Variants in ORAI2 observed in about 807,000 individuals in gnomAD.
ORAI2 encodes the protein ORAI calcium release-activated calcium modulator 2, also known as protein orai-2.
A neutral mutation model predicts 16.2 loss-of-function variants in ORAI2; 10 were observed. That is an observed-to-expected ratio of 0.62 (90% confidence interval 0.38 to 1.04). ORAI2 has a LOEUF of 1.04. Ranked by LOEUF, ORAI2 falls within the 50% of genes least tolerant of loss-of-function variation. The pLI, the probability that ORAI2 is intolerant of heterozygous loss-of-function variation, is 0.01. For synonymous variants in ORAI2, 150 were observed against 157.5 expected, an observed-to-expected ratio of 0.95 and a Z score of 0.35; for missense variants, 238 against 355.5, an observed-to-expected ratio of 0.67 and a Z score of 2.66.
intron 3 of ORAI2, among the ~76,000 whole-genome samples, chr7:102,441,596 C>A (rs1438985245): frequency 6.7e-6 from 1 of 148,818 alleles, no homozygotes; most frequent in Non-Finnish European, 1.5e-5. Flanking sequence ...GTTGCCCAGG[C>A]TGGTTTTTTT....
chr7:102,443,766 G>A (rs997019299), intron 3 of ORAI2, among the ~76,000 whole-genome samples: 2 of 152,062 alleles, frequency 1.3e-5, no homozygotes, highest in Non-Finnish European at 2.9e-5. Flanking sequence ...GAGCACAATG[G>A]CACGATCTTG....
At chr7:102,442,857 CAAAA>C (rs763868369) in intron 3 of ORAI2, among the ~76,000 whole-genome samples, 3 of 88,452 alleles carry the variant, frequency 3.4e-5, no homozygotes, top group Non-Finnish European at 7.0e-5. Context: ...GACTCCGTCT[CAAAA>C]AAAAAAAAAA....
Position 102,456,455 on chromosome 7 carries a change from T to C in ORAI2, c.*9403T>C, listed in dbSNP as rs1022228607. On this transcript the variant is annotated 3_prime_UTR_variant, in exon 4 of 4. Coordinates refer to ENST00000495936, the MANE Select transcript of ORAI2 (RefSeq NM_001126340.3). Reference sequence around the variant, plus strand: ...TTTTGTAGAGATGGGGGTCTCACTATGTTGCCCAGGCTGGCCTCAAGCAAT... The same window carrying C: ...TTTTGTAGAGATGGGGGTCTCACTACGTTGCCCAGGCTGGCCTCAAGCAAT... 2 of 152,156 alleles carry C rather than the reference T, an allele frequency of 1.3e-5. No homozygotes were observed. The allele number at this position is 152,156 out of a possible 1,614,324, so 9.4% of individuals were successfully genotyped here.
chr7:102,441,544 A>G (rs973311983), intron 3 of ORAI2, among the ~76,000 whole-genome samples: 12 of 151,486 alleles, frequency 7.9e-5, no homozygotes, highest in Non-Finnish European at 1.5e-4. Context: ...ATCTCAAAAA[A>G]AAAAAAAAGA....
rs569911267 is a variant in ORAI2 at position 102,436,384 on chromosome 7, T to C, written c.-14+51T>C. 1.1e-5 allele frequency: 11 copies of C among 979,848 alleles called. No homozygotes were observed. In the African/African-American group the frequency reaches 1.7e-4, roughly 16 times the overall value. The allele number at this position is 979,848 out of a possible 1,614,324, so 60.7% of individuals were successfully genotyped here. On this transcript the variant is annotated intron_variant, in intron 2 of 3. Transcript: ENST00000495936. ...AGCACAGAACTGTTCCCAGAGGTCT[T>C]GTTGGCCAGGGAAGGCTGTGGCTTT...
Position 102,433,691 on chromosome 7 carries a change from G to C in ORAI2, c.-123+30G>C, listed in dbSNP as rs1796982983. The C allele has an allele frequency of 6.6e-6, 1 of 152,398 alleles. No individual in the cohort carries two copies. Among genetic ancestry groups the C allele is most frequent in the Non-Finnish European group, 1.5e-5 (1 of 68,424 alleles). 9.4% of individuals were successfully genotyped at this position (152,398 alleles called of 1,614,324 possible). ...GTGTGGCGGCGCGGGGGCCTGGCGC[G>C]GGGAGCGGGGTCCCTGCGGCTGGGG... On this transcript the variant is annotated intron_variant, in intron 1 of 3. Coordinates refer to ENST00000495936, the MANE Select transcript of ORAI2 (RefSeq NM_001126340.3). This position sits in a 1 kb window ranked among gnomAD's most constrained non-coding sequence, Gnocchi z 4.6.
intron 2 of ORAI2, among the ~76,000 whole-genome samples, chr7:102,438,014 A>C (rs1797102965): frequency 6.6e-6 from 1 of 152,074 alleles, no homozygotes. Flanking sequence ...GTACCACTGC[A>C]CTCCAGCCTG....
At chr7:102,445,845 T>G (rs1018395851) in intron 3 of ORAI2, among the ~76,000 whole-genome samples, 13 of 152,078 alleles carry the variant, frequency 8.5e-5, no homozygotes, top group Non-Finnish European at 1.8e-4. Context: ...TCTCTTTCTT[T>G]TCTTTCTTTT....
In ORAI2 at chr7:102,454,020, C is replaced by G. The variant is rs1436127980; in HGVS notation, c.*6968C>G. The G allele has an allele frequency of 6.6e-6, 1 of 152,338 alleles. No individual in the cohort carries two copies. Among genetic ancestry groups the G allele is most frequent in the African/African-American group, 2.4e-5 (1 of 41,466 alleles). 9.4% of individuals were successfully genotyped at this position (152,338 alleles called of 1,614,324 possible). ...CTGGGATTATAGGCGTGAGCCACCTCGTCCGGCCCAAGACTTTTTGCCTCA... is the reference window on the plus strand; with the variant it reads ...CTGGGATTATAGGCGTGAGCCACCTGGTCCGGCCCAAGACTTTTTGCCTCA... On this transcript the variant is annotated 3_prime_UTR_variant, in exon 4 of 4. Coordinates refer to ENST00000495936, the MANE Select transcript of ORAI2 (RefSeq NM_001126340.3).
In ORAI2 at chr7:102,433,737, A is replaced by G. The variant is rs2133217197; in HGVS notation, c.-123+76A>G. On this transcript the variant is annotated intron_variant, in intron 1 of 3. Coordinates refer to ENST00000495936, the MANE Select transcript of ORAI2 (RefSeq NM_001126340.3). The surrounding 1 kb of genome is among the most constrained non-coding windows in gnomAD (Gnocchi z 4.6). ...TGGGGGGGCCGGAATTGGACCGGGG[A>G]CGCTCGGCGGGGAAGGGGACGACTG... 1 of 151,856 alleles carries G rather than the reference A, an allele frequency of 6.6e-6. No individual in the cohort carries two copies. Among genetic ancestry groups the G allele is most frequent in the African/African-American group, 2.4e-5 (1 of 41,258 alleles). 9.4% of individuals were successfully genotyped at this position (151,856 alleles called of 1,614,324 possible).
At position 102,438,899 on chromosome 7, in the gene ORAI2, C is replaced by T. The variant is rs561820164; in HGVS notation, c.-13-45C>T. On this transcript the variant is annotated intron_variant, in intron 2 of 3. Coordinates refer to ENST00000495936, the MANE Select transcript of ORAI2 (RefSeq NM_001126340.3). ...GGCTTGGAGTCTAGCTCTTCCAGGCCGCAGTAACCTAGGATGTCTGAGCAT... is the reference window on the plus strand; with the variant it reads ...GGCTTGGAGTCTAGCTCTTCCAGGCTGCAGTAACCTAGGATGTCTGAGCAT... 33 of 1,574,166 alleles carry T rather than the reference C, an allele frequency of 2.1e-5. 1 individual carries two copies. Among genetic ancestry groups the T allele is most frequent in the East Asian group, 6.7e-5 (3 of 44,582 alleles).
intron 3 of ORAI2, among the ~76,000 whole-genome samples, chr7:102,442,002 G>A (rs1188358634): frequency 6.6e-6 from 1 of 152,100 alleles, no homozygotes; most frequent in Non-Finnish European, 1.5e-5. Context: ...TCCCTCATTA[G>A]AATTGCAAAG....
intron 1 of ORAI2, among the ~76,000 whole-genome samples, chr7:102,435,536 C>CTTT (rs56680127): frequency 1.6e-5 from 2 of 121,572 alleles, no homozygotes; most frequent in African/African-American, 6.0e-5. Flanking sequence ...GCCCCCCCCT[C>CTTT]TTTTTTTTTT....
In ORAI2 at chr7:102,439,093, A is replaced by G. The variant is rs767488712; in HGVS notation, c.137A>G (p.Gln46Arg). ...GTCACCTCTAACCACCACTCGGTAC[A>G]GGCCCTGTCGTGGCGGAAGCTCTAC... ...ELVTSNHHSV[Q>R]ALSWRKLYLS... Residue 46 changes from glutamine to arginine, a missense_variant, in exon 3 of 4, where the codon CAG becomes CGG. By Grantham distance (43) the Gln-to-Arg change is conservative. This residue lies in a region of ORAI2 where 61 missense variants were observed against 72.7 expected (regional missense o/e 0.84). Transcript: ENST00000495936. 1.5e-5 allele frequency: 25 copies of G among 1,614,076 alleles called. No individual in the cohort carries two copies. The highest frequency in any genetic ancestry group is 2.0e-5 in the Non-Finnish European group (24 of 1,180,056).
At chr7:102,444,062 A>G (rs1329543292) in intron 3 of ORAI2, among the ~76,000 whole-genome samples, 1 of 152,008 alleles carries the variant, frequency 6.6e-6, no homozygotes, top group African/African-American at 2.4e-5. Flanking sequence ...AGCTGCTAAG[A>G]GGTGGCAGTT....
rs566365780 is a variant in ORAI2, at chr7:102,446,542, G to A, written c.255G>A (p.Thr85=). The part of the protein sequence containing the change: ...MVAMVEVQLE[T]QYQYPRPLLI... ...CCATGGTGGAGGTGCAGCTGGAGAC[G>A]CAGTACCAGTACCCGCGGCCGCTGC... is the stretch of plus-strand genomic sequence containing the variant. The change falls in exon 4 of 4, where the codon ACG becomes ACA. Residue 85 remains threonine (T), a synonymous_variant. Transcript: ENST00000495936. 8.1e-5 allele frequency: 130 copies of A among 1,611,024 alleles called. No individual in the cohort carries two copies. Among genetic ancestry groups the A allele is most frequent in the Admixed American group, 2.8e-4 (17 of 59,944 alleles).
Position 102,451,514 on chromosome 7 carries a change from G to C in ORAI2, c.*4462G>C, listed in dbSNP as rs1441020482. ...CTCGTGCTGATGATCTATGCATGGC[G>C]TTATGTAGATCACGTGCGGCAGAGA... On this transcript the variant is annotated 3_prime_UTR_variant, in exon 4 of 4. Transcript: ENST00000495936. The C allele has an allele frequency of 6.6e-6, 1 of 152,254 alleles. No homozygotes were observed. Among genetic ancestry groups the C allele is most frequent in the Non-Finnish European group, 1.5e-5 (1 of 68,064 alleles). The allele number at this position is 152,254 out of a possible 1,614,324, so 9.4% of individuals were successfully genotyped here. A position where few individuals can be genotyped will look rare whatever the true frequency, so the allele number is the denominator to read the frequency against.
intron 3 of ORAI2, among the ~76,000 whole-genome samples, chr7:102,443,521 G>A (rs1797270141): frequency 2.0e-5 from 3 of 151,896 alleles, no homozygotes; most frequent in South Asian, 2.1e-4. Context: ...AGGCCTCTGT[G>A]GTTTGTAATA....
chr7:102,437,055 C>T (rs947789677), intron 2 of ORAI2, among the ~76,000 whole-genome samples: 5 of 152,334 alleles, frequency 3.3e-5, no homozygotes, highest in East Asian at 1.9e-4. Context: ...CACACGCGAC[C>T]GCCAATCCCC....
Sources: gnomAD v4.1 joint callset for allele counts (sites outside exome capture counted in the v4.1 genomes callset) on GRCh38, gnomAD v4.1.1 for gene constraint, gnomAD v4.1.1 regional missense constraint, Gnocchi (gnomAD v3.1) non-coding constraint, MANE v1.5 for transcripts, NCBI Gene and HGNC (gene_info 2026-07-23, HGNC 2026-07-21) for gene names.